NRXN1: variants seen among roughly 807,000 people sequenced by gnomAD.
NRXN1 encodes the protein neurexin 1.
Under a neutral mutation model 150.9 loss-of-function variants are expected in NRXN1, and 39 were observed. That is an observed-to-expected ratio of 0.26 (90% confidence interval 0.20 to 0.34). The LOEUF is 0.34. Ranked by LOEUF, NRXN1 falls within the 10% of genes least tolerant of loss-of-function variation. NRXN1 has a pLI of 1.00. For synonymous variants in NRXN1, 924 were observed against 757.0 expected, an observed-to-expected ratio of 1.22 and a Z score of -3.62; for missense variants, 1,815 against 1,949.9, an observed-to-expected ratio of 0.93 and a Z score of 1.30.
chr2:50,201,764 T>C (rs778934517), intron 18 of NRXN1, among the ~76,000 whole-genome samples: 1 of 152,214 alleles, frequency 6.6e-6, no homozygotes, highest in Non-Finnish European at 1.5e-5. Context: ...GCTCATGGTC[T>C]CATGTGATTG....
At chr2:50,532,706 C>T (rs2093149988) in intron 10 of NRXN1, among the ~76,000 whole-genome samples, 1 of 151,944 alleles carries the variant, frequency 6.6e-6, no homozygotes, top group Non-Finnish European at 1.5e-5. Flanking sequence ...TAAACTAAGG[C>T]AGATGGCATC....
chr2:50,392,025 T>G (rs1187820145), intron 17 of NRXN1, among the ~76,000 whole-genome samples: 1 of 152,158 alleles, frequency 6.6e-6, no homozygotes, highest in Non-Finnish European at 1.5e-5. Flanking sequence ...GAAACTTACT[T>G]ATTAATTTAT....
chr2:50,656,308 C>A (rs1200513618), intron 5 of NRXN1: 1 of 740,524 alleles, frequency 1.4e-6, no homozygotes, highest in Non-Finnish European at 2.5e-6. Flanking sequence ...AGTTACGTAT[C>A]AATTTTAAAA....
intron 5 of NRXN1, among the ~76,000 whole-genome samples, chr2:50,867,279 A>C (rs1677087880): frequency 1.3e-5 from 2 of 151,892 alleles, no homozygotes; most frequent in Admixed American, 6.6e-5. Context: ...CCCCTGATTA[A>C]GACCTGTGGT....
At chr2:50,903,792 C>T (rs181652773) in intron 5 of NRXN1, among the ~76,000 whole-genome samples, 1 of 152,250 alleles carries the variant, frequency 6.6e-6, no homozygotes, top group African/African-American at 2.4e-5. Flanking sequence ...AAGGTACTTT[C>T]AGGATAAAAT....
intron 18 of NRXN1, among the ~76,000 whole-genome samples, chr2:50,198,322 C>T (rs78412612): frequency 6.6e-6 from 1 of 151,998 alleles, no homozygotes; most frequent in African/African-American, 2.4e-5. Context: ...ATGAGTGAGG[C>T]ACCAGGGGAA....
At chr2:50,978,421 G>T (rs958177868) in intron 2 of NRXN1, among the ~76,000 whole-genome samples, 2 of 149,966 alleles carry the variant, frequency 1.3e-5, no homozygotes, top group South Asian at 2.1e-4. Context: ...ATATGTATTT[G>T]TATAATCTGC....
chr2:50,121,492 T>C (rs1703850101), intron 18 of NRXN1, among the ~76,000 whole-genome samples: 1 of 152,236 alleles, frequency 6.6e-6, no homozygotes, highest in South Asian at 2.1e-4. Flanking sequence ...AGGATGTATG[T>C]AAGTGATGTG....
intron 2 of NRXN1, among the ~76,000 whole-genome samples, chr2:50,978,305 T>TATAA (rs1436964052): frequency 4.1e-5 from 5 of 121,630 alleles, no homozygotes; most frequent in African/African-American, 8.7e-5. Flanking sequence ...TATATATATA[T>TATAA]AAAATATATA....
At chr2:50,730,784 T>C (rs990319058) in intron 5 of NRXN1, among the ~76,000 whole-genome samples, 13 of 149,624 alleles carry the variant, frequency 8.7e-5, no homozygotes, top group African/African-American at 3.0e-4. Context: ...GCCATTCTCC[T>C]GCCTCAGCCT....
chr2:50,177,705 A>G (rs2060434823), intron 18 of NRXN1, among the ~76,000 whole-genome samples: 1 of 151,944 alleles, frequency 6.6e-6, no homozygotes, highest in Admixed American at 6.6e-5. Context: ...GAAAAGACTT[A>G]ATACTCTAGA....
At chr2:50,336,669 G>A (rs2077209227) in intron 17 of NRXN1, among the ~76,000 whole-genome samples, 1 of 152,048 alleles carries the variant, frequency 6.6e-6, no homozygotes, top group Non-Finnish European at 1.5e-5. Context: ...CAATTTGGTA[G>A]GGAAAGTATT....
intron 5 of NRXN1, among the ~76,000 whole-genome samples, chr2:50,670,143 T>C (rs1332787349): frequency 1.3e-5 from 2 of 151,896 alleles, no homozygotes; most frequent in African/African-American, 4.8e-5. Flanking sequence ...TTGCACTATG[T>C]ATCTAATGAA....
intron 17 of NRXN1, among the ~76,000 whole-genome samples, chr2:50,452,340 G>C (rs916131772): frequency 1.3e-5 from 2 of 152,162 alleles, no homozygotes; most frequent in African/African-American, 4.8e-5. Flanking sequence ...AAATAGGTCT[G>C]AGGGTTGAGG....
intron 2 of NRXN1, among the ~76,000 whole-genome samples, chr2:51,023,548 C>T (rs896842373): frequency 4.6e-5 from 7 of 152,266 alleles, no homozygotes; most frequent in South Asian, 2.1e-4. Context: ...CTTTTTATTA[C>T]GTCAGCTGAC....
At chr2:50,142,152 A>G (rs1707361435) in intron 18 of NRXN1, among the ~76,000 whole-genome samples, 1 of 152,070 alleles carries the variant, frequency 6.6e-6, no homozygotes. Flanking sequence ...TGTCTTTTGC[A>G]GCAACATGAA....
At chr2:50,387,204 G>A (rs906152660) in intron 17 of NRXN1, among the ~76,000 whole-genome samples, 72 of 152,076 alleles carry the variant, frequency 4.7e-4, no homozygotes, top group African/African-American at 1.7e-3. Context: ...AAAAGGAGGT[G>A]GTGAAGGAAT....
chr2:50,654,802 G>T (rs1458604124), intron 5 of NRXN1, among the ~76,000 whole-genome samples: 1 of 152,000 alleles, frequency 6.6e-6, no homozygotes, highest in African/African-American at 2.4e-5. Flanking sequence ...ATTTTCTCAT[G>T]TGTCTGTTGG....
At chr2:50,288,900 T>C (rs972569343) in intron 17 of NRXN1, among the ~76,000 whole-genome samples, 5 of 152,074 alleles carry the variant, frequency 3.3e-5, no homozygotes, top group Admixed American at 6.6e-5. Flanking sequence ...AATTAAATAA[T>C]GGTTGAAATG....
Sources: allele counts gnomAD v4.1 joint callset (sites outside exome capture counted in the v4.1 genomes callset), GRCh38; gene constraint gnomAD v4.1.1; transcripts MANE v1.5; gene names NCBI Gene and HGNC (gene_info 2026-07-23, HGNC 2026-07-21).